Variants in C9orf85 observed in about 807,000 individuals in gnomAD.
C9orf85 encodes the protein uncharacterized protein C9orf85.
Under a neutral mutation model 14.9 loss-of-function variants are expected in C9orf85, and 16 were observed. That is an observed-to-expected ratio of 1.08 (90% CI 0.73 to 1.63). The LOEUF (loss-of-function observed/expected upper bound fraction) is 1.63, where lower values mean the gene tolerates loss of function less well. Ranked by LOEUF, C9orf85 falls within the 40% of genes most tolerant of loss-of-function variation. C9orf85 has a pLI of 0.00. For missense variants in C9orf85, 172 were observed against 186.1 expected (o/e 0.92, Z 0.44); for synonymous variants, 45 against 56.8 (o/e 0.79, Z 0.93).
intron 3 of C9orf85, among the ~76,000 whole-genome samples, chr9:71,979,446 T>G (rs941487356): frequency 6.6e-6 from 1 of 152,048 alleles, no homozygotes; most frequent in Admixed American, 6.6e-5. Context: ...TCCTAGGGGG[T>G]TTTGTGGGCG....
intron 1 of C9orf85, among the ~76,000 whole-genome samples, chr9:71,926,867 G>T (rs376894982): frequency 6.6e-6 from 1 of 151,770 alleles, no homozygotes; most frequent in Admixed American, 6.6e-5. Flanking sequence ...AAGCTGCTCT[G>T]TCTAAAGGAA....
chr9:71,938,986 G>T (rs1012199629), intron 1 of C9orf85, among the ~76,000 whole-genome samples: 1 of 151,686 alleles, frequency 6.6e-6, no homozygotes, highest in Non-Finnish European at 1.5e-5. Flanking sequence ...TGGAAAAAAT[G>T]TGAACTTATG....
Position 71,915,213 on chromosome 9 carries a change from G to A in C9orf85, c.102+3377G>A, listed in dbSNP as rs192853361. 4.9e-3 allele frequency among the ~76,000 whole-genome samples: 715 copies of A among 147,196 alleles called. 7 individuals are homozygous for A. Among genetic ancestry groups the A allele is most frequent in the Middle Eastern group, 7.1e-3 (2 of 280 alleles). ...TTTTTTTTTTTTGAGACAGAGTCTC[G>A]CTCTCTCGCCCAGGCTGGAGTGCAG... is the stretch of plus-strand genomic sequence containing the variant. On this transcript the variant is annotated intron_variant, in intron 1 of 3. Coordinates refer to ENST00000334731, the MANE Select transcript of C9orf85 (RefSeq NM_182505.5).
At chr9:71,931,925 C>A (rs527345603) in intron 1 of C9orf85, among the ~76,000 whole-genome samples, 1 of 152,074 alleles carries the variant, frequency 6.6e-6, no homozygotes, top group Non-Finnish European at 1.5e-5. Flanking sequence ...GCTTTAGCTG[C>A]CTAGGGCAGT....
downstream of C9orf85, among the ~76,000 whole-genome samples, chr9:71,977,475 A>G (rs568299851): frequency 6.6e-6 from 1 of 152,346 alleles, no homozygotes; most frequent in African/African-American, 2.4e-5. Flanking sequence ...TATACCATGT[A>G]TACAAGATTA....
At chr9:71,936,629 TAATG>T (rs1354221032) in intron 1 of C9orf85, among the ~76,000 whole-genome samples, 1 of 152,180 alleles carries the variant, frequency 6.6e-6, no homozygotes, top group African/African-American at 2.4e-5. Context: ...TCATAGTTAA[TAATG>T]AAGATAGTTC....
intron 1 of C9orf85, among the ~76,000 whole-genome samples, chr9:71,914,916 A>G (rs1228608992): frequency 6.6e-6 from 1 of 152,146 alleles, no homozygotes; most frequent in Non-Finnish European, 1.5e-5. Context: ...ATAGGTTTAA[A>G]TCTTTTCTAG....
At chr9:71,981,588 A>G (rs1823097066) in intron 3 of C9orf85, among the ~76,000 whole-genome samples, 1 of 152,242 alleles carries the variant, frequency 6.6e-6, no homozygotes, top group Non-Finnish European at 1.5e-5. Context: ...TAACATTGTT[A>G]GTAGACTGAC....
At chr9:71,911,857 C>G (rs1441291020) in intron 1 of C9orf85, 21 bp downstream of exon 1, 5 of 1,599,368 alleles carry the variant, frequency 3.1e-6, no homozygotes, top group Non-Finnish European at 4.3e-6. Context: ...GCCTGTTGCA[C>G]CGTCTTTGAC....
chr9:71,963,097 A>T (rs1261890795), intron 2 of C9orf85, among the ~76,000 whole-genome samples: 5 of 152,182 alleles, frequency 3.3e-5, no homozygotes, highest in African/African-American at 1.2e-4. Flanking sequence ...ACAGTGTCAT[A>T]AAAAAATCTT....
intron 1 of C9orf85, among the ~76,000 whole-genome samples, chr9:71,919,684 T>C (rs4744648): frequency 0.04 from 6,016 of 152,196 alleles, 148 homozygotes; most frequent in Non-Finnish European, 0.059. Context: ...ACTTTTCCTT[T>C]GTGCCCTTTT....
chr9:71,964,405 G>T (rs868746912), intron 2 of C9orf85, among the ~76,000 whole-genome samples: 1 of 151,818 alleles, frequency 6.6e-6, no homozygotes, highest in African/African-American at 2.4e-5. Context: ...CACTCTTTGG[G>T]TCTACACTGC....
intron 2 of C9orf85, among the ~76,000 whole-genome samples, chr9:71,948,504 GTTTTA>G (rs891101594): frequency 3.3e-5 from 5 of 151,292 alleles, no homozygotes; most frequent in South Asian, 2.1e-4. Context: ...CCCCCCTTTT[GTTTTA>G]TTTTATTTAT....
chr9:71,959,894 A>G (rs1365585058), intron 2 of C9orf85, among the ~76,000 whole-genome samples: 1 of 152,266 alleles, frequency 6.6e-6, no homozygotes, highest in East Asian at 1.9e-4. Flanking sequence ...GATGACAGAT[A>G]GGAAACTGCG....
intron 1 of C9orf85, among the ~76,000 whole-genome samples, chr9:71,914,666 T>G (rs1022003430): frequency 4.3e-4 from 65 of 152,336 alleles, no homozygotes; most frequent in African/African-American, 1.4e-3. Flanking sequence ...TTGAATATAC[T>G]CTAGAAAAGG....
Position 71,959,745 on chromosome 9 carries a change from C to A in C9orf85, c.210-11760C>A, listed in dbSNP as rs117345620. Among the ~76,000 whole-genome samples the A allele has an allele frequency of 5.5e-3, 835 of 152,240 alleles. 4 individuals carry two copies. Among genetic ancestry groups the A allele is most frequent in the Admixed American group, 0.01 (156 of 15,300 alleles). On this transcript the variant is annotated intron_variant, in intron 2 of 3. Transcript: ENST00000334731. ...TACCTGCAAGAACCAAGAAGCTGGA[C>A]TGGATGTGAAAGATAATTTACTATA...
At chr9:71,926,194 A>G (rs561967832) in intron 1 of C9orf85, among the ~76,000 whole-genome samples, 1 of 152,374 alleles carries the variant, frequency 6.6e-6, no homozygotes, top group East Asian at 1.9e-4. Context: ...AATGCATTCT[A>G]TAGCTACAGC....
downstream of C9orf85, among the ~76,000 whole-genome samples, chr9:71,976,579 A>G (rs548591576): frequency 4.4e-3 from 663 of 151,732 alleles, 3 homozygotes; most frequent in African/African-American, 0.013. Context: ...GGAGAATGGC[A>G]TGAACCCGGG....
At chr9:71,976,535 G>T (rs1006269147), downstream of C9orf85, among the ~76,000 whole-genome samples, 2 of 151,836 alleles carry the variant, frequency 1.3e-5, no homozygotes, top group Non-Finnish European at 2.9e-5. Context: ...GGTGGCGGGC[G>T]CCTGTAGTCC....
Sources: allele counts gnomAD v4.1 joint callset (sites outside exome capture counted in the v4.1 genomes callset), GRCh38; gene constraint gnomAD v4.1.1; transcripts MANE v1.5; gene names NCBI Gene and HGNC (gene_info 2026-07-23, HGNC 2026-07-21).